SHISA9: variants seen among roughly 807,000 people sequenced by gnomAD.
SHISA9 encodes shisa family member 9, also known as protein shisa-9.
SHISA9 carries 13 observed loss-of-function variants against 38.0 expected under a neutral mutation model. The observed-to-expected ratio is 0.34, with a 90% CI of 0.22 to 0.54. The LOEUF is 0.54. SHISA9 is among the 20% of genes least tolerant of loss of function. The pLI is 0.91. For synonymous variants in SHISA9, 275 were observed against 242.0 expected (o/e 1.14, Z -1.27); for missense variants, 538 against 575.8 (o/e 0.93, Z 0.67).
intron 2 of SHISA9, among the ~76,000 whole-genome samples, chr16:13,183,078 A>C (rs1483093220): frequency 1.3e-5 from 2 of 152,228 alleles, no homozygotes; most frequent in South Asian, 2.1e-4. Context: ...AGTCCCAAGA[A>C]AGCAAGTAGA....
At chr16:13,180,977 C>T (rs574521604) in intron 2 of SHISA9, among the ~76,000 whole-genome samples, 113 of 151,908 alleles carry the variant, frequency 7.4e-4, no homozygotes, top group Non-Finnish European at 9.7e-4. Flanking sequence ...CATCCAAAAA[C>T]GTTCTGAGCA....
At chr16:13,153,413 G>A (rs1049041130) in intron 2 of SHISA9, among the ~76,000 whole-genome samples, 1 of 152,180 alleles carries the variant, frequency 6.6e-6, no homozygotes, top group African/African-American at 2.4e-5. Context: ...TAGTTCCAAG[G>A]CCTAGCTCAG....
chr16:13,477,114 T>C, the SHISA9 span, among the ~76,000 whole-genome samples: 4 of 152,168 alleles, frequency 2.6e-5, no homozygotes, highest in African/African-American at 7.2e-5. Flanking sequence ...TAAACACTTA[T>C]TGCATACCTA....
chr16:13,274,615 T>G, the SHISA9 span, among the ~76,000 whole-genome samples: 1 of 152,028 alleles, frequency 6.6e-6, no homozygotes, highest in Non-Finnish European at 1.5e-5. Context: ...ACAGAAGGGA[T>G]CCAAATTACT....
chr16:13,320,152 G>T, the SHISA9 span, among the ~76,000 whole-genome samples: 1 of 151,596 alleles, frequency 6.6e-6, no homozygotes, highest in African/African-American at 2.4e-5. Context: ...TTAGCCTGGC[G>T]TGGTGGCATG....
the SHISA9 span, among the ~76,000 whole-genome samples, chr16:13,428,801 C>G: frequency 6.8e-6 from 1 of 147,360 alleles, no homozygotes; most frequent in Non-Finnish European, 1.5e-5. Flanking sequence ...CAGAGTCTCA[C>G]TCTGTTGCCC....
At chr16:12,989,561 G>T (rs2072357260) in intron 2 of SHISA9, among the ~76,000 whole-genome samples, 1 of 151,916 alleles carries the variant, frequency 6.6e-6, no homozygotes, top group Admixed American at 6.6e-5. Context: ...ATCATCTTCA[G>T]CTTGAAAGGT....
the SHISA9 span, among the ~76,000 whole-genome samples, chr16:13,539,060 G>A: frequency 1.6e-4 from 25 of 152,020 alleles, no homozygotes; most frequent in African/African-American, 5.8e-4. Flanking sequence ...TGTTTTCTGA[G>A]GGTCTTTGGC....
chr16:13,016,359 T>A (rs2141858920), intron 2 of SHISA9, among the ~76,000 whole-genome samples: 1 of 152,286 alleles, frequency 6.6e-6, no homozygotes, highest in Non-Finnish European at 1.5e-5. Flanking sequence ...ATTCCTAGTC[T>A]TTTTGCACAC....
At chr16:13,243,757 G>A (rs1396174345), downstream of SHISA9, among the ~76,000 whole-genome samples, 1 of 140,312 alleles carries the variant, frequency 7.1e-6, no homozygotes, top group Admixed American at 7.2e-5. Context: ...TTTATTTTTG[G>A]TTTACAGCAG....
At chr16:13,005,077 G>A (rs34654475) in intron 2 of SHISA9, among the ~76,000 whole-genome samples, 53,549 of 151,830 alleles carry the variant, frequency 0.35, 9,914 homozygotes, top group African/African-American at 0.45. Flanking sequence ...GGATCTCTGG[G>A]TTAGGCAATT....
rs367707128 is a variant in SHISA9, at chr16:13,177,879, A to C, written c.692-25515A>C. Among the ~76,000 whole-genome samples the C allele has an allele frequency of 9.9e-5, 15 of 152,226 alleles. 2 individuals are homozygous for C. Among genetic ancestry groups the C allele is most frequent in the African/African-American group, 3.6e-4 (15 of 41,526 alleles). ...CAGAAGGGGTTTCACCATGTTGTCC[A>C]GGCTGATCTGAAACCCCTGACCTCG... On this transcript the variant is annotated intron_variant, in intron 2 of 4. Transcript: ENST00000558583.
intron 2 of SHISA9, among the ~76,000 whole-genome samples, chr16:13,120,019 C>T (rs2074069603): frequency 6.6e-6 from 1 of 151,748 alleles, no homozygotes; most frequent in Non-Finnish European, 1.5e-5. Context: ...GGGAGGAGGA[C>T]AGTGTGGTCT....
intron 2 of SHISA9, among the ~76,000 whole-genome samples, chr16:12,952,388 T>G (rs931547348): frequency 6.6e-6 from 1 of 152,236 alleles, no homozygotes; most frequent in Admixed American, 6.5e-5. Flanking sequence ...TGACGTGTGG[T>G]TGAGTCTTCC....
intron 2 of SHISA9, among the ~76,000 whole-genome samples, chr16:12,970,410 T>C (rs1246180379): frequency 6.4e-4 from 8 of 12,592 alleles, no homozygotes; most frequent in South Asian, 4.3e-3. Flanking sequence ...TATACATATA[T>C]ATATATACAC....
chr16:13,114,950 C>T (rs1197079394), intron 2 of SHISA9, among the ~76,000 whole-genome samples: 1 of 152,142 alleles, frequency 6.6e-6, no homozygotes, highest in Non-Finnish European at 1.5e-5. Context: ...TTCTCTCTCT[C>T]CCTGTATCTT....
the SHISA9 span, among the ~76,000 whole-genome samples, chr16:13,475,151 T>C: frequency 6.6e-6 from 1 of 151,972 alleles, no homozygotes; most frequent in East Asian, 1.9e-4. Flanking sequence ...GATGGAGTGA[T>C]AGGAAAGATG....
At chr16:13,179,246 A>T (rs1484606670) in intron 2 of SHISA9, among the ~76,000 whole-genome samples, 1 of 152,202 alleles carries the variant, frequency 6.6e-6, no homozygotes, top group East Asian at 1.9e-4. Flanking sequence ...CAGGAGGCGG[A>T]GGTTGCAGTG....
intron 2 of SHISA9, among the ~76,000 whole-genome samples, chr16:12,926,419 A>G (rs1401125675): frequency 6.6e-6 from 1 of 152,140 alleles, no homozygotes; most frequent in Non-Finnish European, 1.5e-5. Context: ...TTGCTTTCCT[A>G]TAATTAATAT....
Sources: allele counts gnomAD v4.1 joint callset (sites outside exome capture counted in the v4.1 genomes callset), GRCh38; gene constraint gnomAD v4.1.1; transcripts MANE v1.5; gene names NCBI Gene and HGNC (gene_info 2026-07-23, HGNC 2026-07-21).